PRKCB: variants seen among roughly 807,000 people sequenced by gnomAD.
PRKCB encodes the protein protein kinase C beta, also known as protein kinase C beta type.
In PRKCB, 13 loss-of-function variants were observed where a neutral mutation model predicts 81.5. That is an observed-to-expected ratio of 0.16 (90% confidence interval 0.10 to 0.25). PRKCB has a LOEUF of 0.25. PRKCB is among the 10% of genes least tolerant of loss of function. The pLI, the probability that PRKCB is intolerant of heterozygous loss-of-function variation, is 1.00. For missense variants in PRKCB, 509 were observed against 875.7 expected, an observed-to-expected ratio of 0.58 and a Z score of 5.29; for synonymous variants, 335 against 321.4, an observed-to-expected ratio of 1.04 and a Z score of -0.45.
intron 9 of PRKCB, among the ~76,000 whole-genome samples, chr16:24,139,503 G>A (rs991158159): frequency 1.3e-5 from 2 of 152,180 alleles, no homozygotes; most frequent in Admixed American, 6.5e-5. Flanking sequence ...TTCTAGGGGT[G>A]TAGTGACATT....
At chr16:24,097,389 T>C (rs1966459243) in intron 7 of PRKCB, among the ~76,000 whole-genome samples, 1 of 152,110 alleles carries the variant, frequency 6.6e-6, no homozygotes, top group African/African-American at 2.4e-5. Flanking sequence ...TGCTGGTCAC[T>C]AGAAACACAT....
chr16:24,212,775 G>A (rs1968164436), intron 16 of PRKCB, among the ~76,000 whole-genome samples: 1 of 151,416 alleles, frequency 6.6e-6, no homozygotes, highest in Admixed American at 6.6e-5. Context: ...CCCAGAACCT[G>A]TGCTTCTGAC....
intron 5 of PRKCB, among the ~76,000 whole-genome samples, chr16:24,055,381 C>T (rs1965891857): frequency 6.6e-6 from 1 of 152,178 alleles, no homozygotes; most frequent in African/African-American, 2.4e-5. Context: ...GGAGATGGCC[C>T]TGGAACTGAC....
At chr16:24,070,211 C>T (rs996267832) in intron 5 of PRKCB, among the ~76,000 whole-genome samples, 8 of 150,576 alleles carry the variant, frequency 5.3e-5, no homozygotes, top group South Asian at 2.1e-4. Context: ...TGCAGTGGCA[C>T]GATCTTGGCT....
intron 2 of PRKCB, among the ~76,000 whole-genome samples, chr16:23,928,680 G>A (rs1963930434): frequency 6.6e-6 from 1 of 151,952 alleles, no homozygotes; most frequent in African/African-American, 2.4e-5. Flanking sequence ...GCTTCCTGGA[G>A]GAGGTGATTT....
chr16:23,907,282 T>C (rs568508682), intron 2 of PRKCB, among the ~76,000 whole-genome samples: 10 of 152,338 alleles, frequency 6.6e-5, no homozygotes, highest in African/African-American at 2.4e-4. Flanking sequence ...AGACCTCCCA[T>C]CCATTTCTTT....
At chr16:24,022,554 C>T (rs1010222253) in intron 3 of PRKCB, among the ~76,000 whole-genome samples, 20 of 151,992 alleles carry the variant, frequency 1.3e-4, no homozygotes, top group Admixed American at 5.9e-4. Context: ...TGCAGTGGTG[C>T]GATCTCAGCT....
At chr16:24,205,089 C>T (rs192229638) in intron 16 of PRKCB, among the ~76,000 whole-genome samples, 95 of 150,642 alleles carry the variant, frequency 6.3e-4, no homozygotes, top group African/African-American at 2.2e-3. Context: ...CACTGCACAC[C>T]AGCCTGGGCG....
intron 9 of PRKCB, among the ~76,000 whole-genome samples, chr16:24,130,869 G>A (rs1966852344): frequency 6.6e-6 from 1 of 152,168 alleles, no homozygotes; most frequent in South Asian, 2.1e-4. Context: ...AGGAGGCCGG[G>A]AGAACAATTT....
intron 2 of PRKCB, among the ~76,000 whole-genome samples, chr16:23,926,316 C>T (rs1164518713): frequency 6.6e-6 from 1 of 150,770 alleles, no homozygotes; most frequent in Non-Finnish European, 1.5e-5. Context: ...GAAGCCCCAT[C>T]TCTGCAAAAA....
At position 23,962,752 on chromosome 16, in the gene PRKCB, A is replaced by T. The variant is rs1431583816; in HGVS notation, c.206-25756A>T. On this transcript the variant is annotated intron_variant, in intron 2 of 16. Coordinates refer to ENST00000643927, the MANE Select transcript of PRKCB (RefSeq NM_002738.7). ...CCAGTCTTTGTTTTTTTTTTCTTTT[A>T]TTTTAATTTTGATAGTTTTGGGGGA... 4.4e-4 allele frequency among the ~76,000 whole-genome samples: 66 copies of T among 149,320 alleles called. 1 individual carries two copies. In the South Asian group the frequency reaches 0.011, roughly 24 times the overall value.
chr16:24,118,262 T>G (rs1237025688), intron 8 of PRKCB, among the ~76,000 whole-genome samples: 1 of 152,274 alleles, frequency 6.6e-6, no homozygotes, highest in Non-Finnish European at 1.5e-5. Context: ...TCTTACCTCA[T>G]GAGGTTATGT....
intron 2 of PRKCB, among the ~76,000 whole-genome samples, chr16:23,984,021 A>G (rs1034534501): frequency 6.6e-6 from 1 of 152,254 alleles, no homozygotes; most frequent in Non-Finnish European, 1.5e-5. Context: ...AACCATACTA[A>G]TAGACCACTT....
At chr16:24,016,663 A>G (rs1463870343) in intron 3 of PRKCB, among the ~76,000 whole-genome samples, 1 of 151,934 alleles carries the variant, frequency 6.6e-6, no homozygotes, top group Non-Finnish European at 1.5e-5. Context: ...TTAGGCCCCA[A>G]CTAAGAGAGT....
At chr16:24,007,996 T>C (rs997647830) in intron 3 of PRKCB, among the ~76,000 whole-genome samples, 1 of 142,510 alleles carries the variant, frequency 7.0e-6, no homozygotes, top group African/African-American at 2.7e-5. Flanking sequence ...GATGTCTTGG[T>C]ATTCTTTTTC....
At chr16:23,882,034 CT>C (rs1597226229) in intron 2 of PRKCB, among the ~76,000 whole-genome samples, 7 of 44,690 alleles carry the variant, frequency 1.6e-4, no homozygotes, top group Non-Finnish European at 3.3e-4. Context: ...TCCTTCCTTC[CT>C]TCCTTCCTTC....
chr16:23,906,175 TG>T (rs1428790975), intron 2 of PRKCB, among the ~76,000 whole-genome samples: 3 of 152,224 alleles, frequency 2.0e-5, no homozygotes, highest in Non-Finnish European at 4.4e-5. Flanking sequence ...TCAGACAGCT[TG>T]TTCCCCATCT....
chr16:23,991,053 C>T (rs947092939), intron 3 of PRKCB, among the ~76,000 whole-genome samples: 2 of 152,126 alleles, frequency 1.3e-5, no homozygotes, highest in Non-Finnish European at 2.9e-5. Context: ...GTTCTGTTAC[C>T]CACTTAGACT....
intron 2 of PRKCB, among the ~76,000 whole-genome samples, chr16:23,867,368 G>A (rs950362746): frequency 1.3e-5 from 2 of 152,002 alleles, no homozygotes; most frequent in Non-Finnish European, 1.5e-5. Context: ...GTGATCCACC[G>A]GCCTCGGCCT....
Sources: gnomAD v4.1 joint callset for allele counts (sites outside exome capture counted in the v4.1 genomes callset) on GRCh38, gnomAD v4.1.1 for gene constraint, MANE v1.5 for transcripts, NCBI Gene and HGNC (gene_info 2026-07-23, HGNC 2026-07-21) for gene names.